Variants in TRPV4 observed in about 807,000 individuals in gnomAD.
TRPV4 encodes transient receptor potential cation channel subfamily V member 4.
A neutral mutation model predicts 84.1 loss-of-function variants in TRPV4; 58 were observed. The observed-to-expected ratio is 0.69, with a 90% CI of 0.56 to 0.86. The LOEUF (loss-of-function observed/expected upper bound fraction) is 0.86. Among genes scored for constraint, TRPV4 ranks in the 40% least tolerant of loss-of-function variants. TRPV4 has a pLI of 0.00. For missense variants in TRPV4, 879 were observed against 1,181.1 expected (o/e 0.74, Z 3.75); for synonymous variants, 489 against 500.9 (o/e 0.98, Z 0.32).
chr12:109,792,825 G>A lies in TRPV4; in HGVS notation c.1659-8C>T, dbSNP rs1384226958. ...AGGACAGAGTAGATGAAGCTGCAGT[G>A]CAGCAGAGACCACAAGAGAGGCCAG... On this transcript the variant is annotated splice_region_variant and splice_polypyrimidine_tract_variant and intron_variant, in intron 10 of 15. Coordinates refer to ENST00000261740, the MANE Select transcript of TRPV4 (RefSeq NM_021625.5). 6.2e-7 allele frequency: 1 copy of A among 1,613,410 alleles called. No individual in the cohort carries two copies. The highest frequency in any genetic ancestry group is 2.2e-5 in the East Asian group (1 of 44,876).
In TRPV4 at chr12:109,815,098, G is replaced by T. The variant is rs1420042290; in HGVS notation, c.-31-271C>A. Among the ~76,000 whole-genome samples the T allele has an allele frequency of 6.6e-6, 1 of 152,216 alleles. No individual in the cohort carries two copies. Among genetic ancestry groups the T allele is most frequent in the East Asian group, 1.9e-4 (1 of 5,178 alleles). On this transcript the variant is annotated intron_variant, in intron 1 of 15. Transcript: ENST00000261740. The surrounding 1 kb of genome is among the most constrained non-coding windows in gnomAD (Gnocchi z 4.1). ...TAGCTGAAAGAGGGTGGACTTCAGG[G>T]TCAAGCTGGGACCCCATACTTGGAT... is the stretch of plus-strand genomic sequence containing the variant.
Position 109,788,577 on chromosome 12 carries a change from G to T in TRPV4, c.2031C>A (p.Thr677=). 4 of 1,614,266 alleles carry T rather than the reference G, an allele frequency of 2.5e-6. No individual in the cohort carries two copies. Among genetic ancestry groups the T allele is most frequent in the Non-Finnish European group, 3.4e-6 (4 of 1,180,042 alleles). ...STFLLDLFKL[T]IGMGDLEMLS... is the part of the protein sequence containing the mutation. ...GCATCTCCAGGTCGCCCATGCCGAT[G>T]GTCAGCTTAAACAGGTCCAGGAGGA... Residue 677 remains threonine, a synonymous_variant, in exon 13 of 16, where the codon ACC becomes ACA. Coordinates refer to ENST00000261740, the MANE Select transcript of TRPV4 (RefSeq NM_021625.5).
intron 5 of TRPV4, among the ~76,000 whole-genome samples, chr12:109,799,820 G>A (rs1313763386): frequency 6.6e-6 from 1 of 152,014 alleles, no homozygotes; most frequent in African/African-American, 2.4e-5. Context: ...GAGTGCAGTG[G>A]TGCAATCATG....
At chr12:109,803,223 G>C in intron 3 of TRPV4, 80 bp from the exon 4 acceptor site, 1 of 1,534,386 alleles carries the variant, frequency 6.5e-7, no homozygotes, top group Non-Finnish European at 8.9e-7. Context: ...ACAGAACACT[G>C]GGTAGGGGGT....
At chr12:109,797,452 C>A (rs1240637878) in intron 6 of TRPV4, among the ~76,000 whole-genome samples, 1 of 151,656 alleles carries the variant, frequency 6.6e-6, no homozygotes, top group African/African-American at 2.4e-5. Context: ...CTGTGCACAG[C>A]CAGGATTTTG....
chr12:109,786,801 G>C lies in TRPV4; in HGVS notation c.2245C>G (p.Pro749Ala). Residue 749 changes from proline to alanine, a missense_variant, in exon 14 of 16, where the codon CCC (proline) becomes GCC (alanine). By Grantham distance (27) the Pro-to-Ala change is conservative. Coordinates refer to ENST00000261740, the MANE Select transcript of TRPV4 (RefSeq NM_021625.5). The surrounding 1 kb of genome is among the most constrained non-coding windows in gnomAD (Gnocchi z 4.5). ...TTILDIERSF[P>A]VFLRKAFRSG... ...CGGAAGGCCTTCCTCAGGAATACGGGGAAGGAGCGCTCAATGTCCAGGATG... is the reference window on the plus strand; with the variant it reads ...CGGAAGGCCTTCCTCAGGAATACGGCGAAGGAGCGCTCAATGTCCAGGATG... 2 of 1,614,072 alleles carry C rather than the reference G, an allele frequency of 1.2e-6. No individual in the cohort carries two copies. Among genetic ancestry groups the C allele is most frequent in the Admixed American group, 1.7e-5 (1 of 60,026 alleles).
intron 1 of TRPV4, among the ~76,000 whole-genome samples, chr12:109,817,432 A>G (rs1891905880): frequency 6.6e-6 from 1 of 152,088 alleles, no homozygotes; most frequent in Admixed American, 6.5e-5. Context: ...GCAGCCAAGA[A>G]GGTCCTTCCA....
rs1166251387 is a variant in TRPV4, at chr12:109,820,516, A to ATTTTT, written c.-31-5694_-31-5690dup. Among the ~76,000 whole-genome samples, 44 of 92,390 alleles carry ATTTTT rather than the reference A, an allele frequency of 4.8e-4. 1 individual carries two copies. Among genetic ancestry groups the ATTTTT allele is most frequent in the African/African-American group, 6.5e-4 (13 of 20,086 alleles). 60.6% of individuals were successfully genotyped at this position (92,390 alleles called of 152,430 possible). ...GATCTTCACTTTCTTCAGCTGCCCT[A>ATTTTT]TTTTTTTTTTTTTTTTTTTTTTTTT... On this transcript the variant is annotated intron_variant, in intron 1 of 15. Coordinates refer to ENST00000261740, the MANE Select transcript of TRPV4 (RefSeq NM_021625.5).
Position 109,783,217 on chromosome 12 carries a change from G to C in TRPV4, c.*404C>G, listed in dbSNP as rs571262721. The C allele has an allele frequency of 2.1e-5, 4 of 190,062 alleles. No individual in the cohort carries two copies. Among genetic ancestry groups the C allele is most frequent in the Non-Finnish European group, 4.3e-5 (4 of 92,912 alleles). 11.8% of individuals were successfully genotyped at this position (190,062 alleles called of 1,614,324 possible). On this transcript the variant is annotated 3_prime_UTR_variant, in exon 16 of 16. Transcript: ENST00000261740. The surrounding 1 kb of genome is among the most constrained non-coding windows in gnomAD (Gnocchi z 4.6). ...CTGCCACGCTGCCAAAAATGGTGGCGCATGCAGCTCAGGCGCAGGCTGAGG... is the reference window on the plus strand; with the variant it reads ...CTGCCACGCTGCCAAAAATGGTGGCCCATGCAGCTCAGGCGCAGGCTGAGG...
intron 2 of TRPV4, among the ~76,000 whole-genome samples, chr12:109,809,265 C>A (rs1391494641): frequency 6.7e-6 from 1 of 150,286 alleles, no homozygotes; most frequent in Non-Finnish European, 1.5e-5. Context: ...ATCCACCCAT[C>A]TAACTACCCG....
At chr12:109,828,127 G>A (rs1892317359) in intron 1 of TRPV4, among the ~76,000 whole-genome samples, 3 of 152,312 alleles carry the variant, frequency 2.0e-5, no homozygotes, top group African/African-American at 7.2e-5. Context: ...GAAATAGAAG[G>A]ATATTCCCGT....
At chr12:109,805,193 T>C (rs1055609125) in intron 3 of TRPV4, among the ~76,000 whole-genome samples, 1 of 152,264 alleles carries the variant, frequency 6.6e-6, no homozygotes, top group African/African-American at 2.4e-5. Context: ...CTCACTATCA[T>C]TCGGCCTCTG....
In TRPV4 at chr12:109,793,993, G is replaced by A; in HGVS notation, c.1521C>T (p.Asp507=). ...TPPYPYRTTV[D]YLRLAGEVIT... ...TGACCTCGCCAGCCAGCCGCAGGTA[G>A]TCCACCGTGGTGCGGTAAGGGTACG... The change falls in exon 9 of 16, where the codon GAC becomes GAT. Residue 507 remains aspartate, a synonymous_variant. Transcript: ENST00000261740. This position sits in a 1 kb window ranked among gnomAD's most constrained non-coding sequence, Gnocchi z 4.0. 6.2e-7 allele frequency: 1 copy of A among 1,610,106 alleles called. No individual in the cohort carries two copies. The highest frequency in any genetic ancestry group is 8.5e-7 in the Non-Finnish European group (1 of 1,179,002).
chr12:109,789,623 C>T, intron 12 of TRPV4, among the ~76,000 whole-genome samples: 1 of 152,154 alleles, frequency 6.6e-6, no homozygotes, highest in East Asian at 1.9e-4. Context: ...AGTTTGGCAG[C>T]AACAACCTGT....
intron 1 of TRPV4, among the ~76,000 whole-genome samples, chr12:109,831,323 C>CT (rs1279348947): frequency 5.9e-5 from 9 of 152,206 alleles, no homozygotes; most frequent in Admixed American, 5.9e-4. Context: ...CTCGTGGGTC[C>CT]TTCCTGGGCC....
At chr12:109,795,717 A>AG (rs200004182) in intron 7 of TRPV4, among the ~76,000 whole-genome samples, 1 of 152,128 alleles carries the variant, frequency 6.6e-6, no homozygotes, top group Non-Finnish European at 1.5e-5. Context: ...ACTGCTAAGT[A>AG]GGGAAAAAAA....
intron 10 of TRPV4, 114 bp from the exon 11 acceptor site, chr12:109,792,931 C>T: frequency 9.7e-7 from 1 of 1,032,206 alleles, no homozygotes; most frequent in Non-Finnish European, 1.4e-6. Flanking sequence ...CCAATGCCTT[C>T]TAGACCCCCA....
At chr12:109,828,939 C>A (rs960993347) in intron 1 of TRPV4, among the ~76,000 whole-genome samples, 5 of 152,206 alleles carry the variant, frequency 3.3e-5, no homozygotes, top group African/African-American at 1.2e-4. Flanking sequence ...AATCTGAGCA[C>A]TTTGGGAGGC....
rs1555208102 is a variant in TRPV4, at chr12:109,800,698, A to G, written c.773T>C (p.Val258Ala). The change falls in exon 5 of 16, where the codon GTG becomes GCG. Residue 258 changes from valine (V) to alanine (A), a missense_variant. This residue lies in a region of TRPV4 where 521 missense variants were observed against 686.6 expected (regional missense o/e 0.76). Coordinates refer to ENST00000261740, the MANE Select transcript of TRPV4 (RefSeq NM_021625.5). ...RRCKHYVELL[V>A]AQGADVHAQA... ...GGCGTGGACATCAGCTCCCTGGGCC[A>G]CGAGAAGTTCCACGTAGTGTTTGCA... 6.2e-7 allele frequency: 1 copy of G among 1,614,006 alleles called. No homozygotes were observed. Among genetic ancestry groups the G allele is most frequent in the Non-Finnish European group, 8.5e-7 (1 of 1,180,044 alleles).
Sources: allele counts gnomAD v4.1 joint callset (sites outside exome capture counted in the v4.1 genomes callset), GRCh38; gene constraint gnomAD v4.1.1; regional missense constraint gnomAD v4.1.1; non-coding constraint Gnocchi (gnomAD v3.1); transcripts MANE v1.5; gene names NCBI Gene and HGNC (gene_info 2026-07-23, HGNC 2026-07-21).